HDAC4: variants seen among roughly 807,000 people sequenced by gnomAD.
HDAC4 encodes the protein histone deacetylase A.
A neutral mutation model predicts 135.1 loss-of-function variants in HDAC4; 16 were observed. The observed-to-expected ratio is 0.12, with a 90% CI of 0.08 to 0.18. The LOEUF is 0.18. Ranked by LOEUF, HDAC4 falls within the 10% of genes least tolerant of loss-of-function variation. The pLI is 1.00. For synonymous variants in HDAC4, 685 were observed against 653.4 expected (o/e 1.05, Z -0.74); for missense variants, 1,143 against 1,511.8 (o/e 0.76, Z 4.05).
chr2:239,357,000 C>G (rs1693529723), intron 1 of HDAC4, among the ~76,000 whole-genome samples: 1 of 152,142 alleles, frequency 6.6e-6, no homozygotes, highest in Admixed American at 6.5e-5. Flanking sequence ...CAGAGAAGAC[C>G]TGACCACTAC....
Position 239,134,293 on chromosome 2 carries a change from G to C in HDAC4, c.1246C>G (p.His416Asp). ...GGAAHSPLLQ[H>D]MVLLEQPPAQ... ...GGCGGCTGCTCCAGTAAGACCATGT[G>C]CTGCAGAAGAGGGCTGTGCGCTGCC... Residue 416 changes from histidine (H) to aspartate (D), a missense_variant, in exon 11 of 27, where the codon CAC (histidine) becomes GAC (aspartate). His to Asp is a moderately conservative substitution (Grantham distance 81). Transcript: ENST00000543185. 1 of 1,613,466 alleles carries C rather than the reference G, an allele frequency of 6.2e-7. No individual in the cohort carries two copies. Among genetic ancestry groups the C allele is most frequent in the Non-Finnish European group, 8.5e-7 (1 of 1,180,014 alleles).
intron 2 of HDAC4, among the ~76,000 whole-genome samples, chr2:239,246,295 A>C (rs556839864): frequency 3.3e-5 from 5 of 152,254 alleles, no homozygotes; most frequent in Non-Finnish European, 7.4e-5. Flanking sequence ...TGGCAGTGGA[A>C]ACACAGCACC....
At chr2:239,215,410 G>A (rs890324967) in intron 3 of HDAC4, among the ~76,000 whole-genome samples, 1 of 152,070 alleles carries the variant, frequency 6.6e-6, no homozygotes, top group South Asian at 2.1e-4. Flanking sequence ...CAGGGTCGAC[G>A]CCCCAGAAAC....
At chr2:239,161,115 T>C (rs2042764473) in intron 6 of HDAC4, among the ~76,000 whole-genome samples, 1 of 152,212 alleles carries the variant, frequency 6.6e-6, no homozygotes, top group South Asian at 2.1e-4. Context: ...TTCAAACCTT[T>C]TGACCGTATT....
In HDAC4 at chr2:239,082,170, C is replaced by T. The variant is rs142766453; in HGVS notation, c.2584G>A (p.Val862Ile). 1.2e-4 allele frequency: 196 copies of T among 1,613,984 alleles called. No individual in the cohort carries two copies. In the African/African-American group the frequency reaches 1.5e-3, roughly 13 times the overall value. The change falls in exon 21 of 27, where the codon GTC becomes ATC. Residue 862 changes from valine to isoleucine, a missense_variant. By Grantham distance (29) the Val-to-Ile change is conservative (BLOSUM62 3). This residue lies in a region of HDAC4 where 189 missense variants were observed against 317.6 expected (regional missense o/e 0.60). Coordinates refer to ENST00000543185, the MANE Select transcript of HDAC4 (RefSeq NM_001378414.1). ...TQQAFYSDPSVLYMSLHRYDD... is the reference protein window; with the variant it reads ...TQQAFYSDPSILYMSLHRYDD... The stretch of plus-strand genomic sequence containing the variant: ...TAGCGGTGGAGGGACATGTACAGGA[C>T]GCTGGGGTCGCTGTAGAAAGCCTGC...
chr2:239,146,120 A>T lies in HDAC4; in HGVS notation c.734-1406T>A, dbSNP rs1051521478. ...CCACAAGCCGGCCTCTCCACGGGCT[A>T]CTGACGAGGGCACACTTCTGTGCCT... On this transcript the variant is annotated intron_variant, in intron 7 of 26. Coordinates refer to ENST00000543185, the MANE Select transcript of HDAC4 (RefSeq NM_001378414.1). The surrounding 1 kb of genome is among the most constrained non-coding windows in gnomAD (Gnocchi z 4.5). Among the ~76,000 whole-genome samples, 22 of 152,220 alleles carry T rather than the reference A, an allele frequency of 1.4e-4. No homozygotes were observed. Among genetic ancestry groups the T allele is most frequent in the African/African-American group, 5.3e-4 (22 of 41,468 alleles).
chr2:239,204,156 C>A (rs909981012), intron 3 of HDAC4, among the ~76,000 whole-genome samples: 8 of 152,180 alleles, frequency 5.3e-5, no homozygotes, highest in Admixed American at 1.3e-4. Flanking sequence ...TCTAGCCTGG[C>A]GGCTTCTGTG....
At chr2:239,356,899 TAAG>T (rs1187952733) in intron 1 of HDAC4, among the ~76,000 whole-genome samples, 2 of 152,024 alleles carry the variant, frequency 1.3e-5, no homozygotes, top group African/African-American at 4.8e-5. Context: ...AATAAAAGCA[TAAG>T]AAGAAATGGA....
At chr2:239,267,922 G>A (rs574853779) in intron 2 of HDAC4, among the ~76,000 whole-genome samples, 5 of 152,332 alleles carry the variant, frequency 3.3e-5, no homozygotes, top group South Asian at 4.1e-4. Flanking sequence ...ATACCGTCTC[G>A]TCTAAGAATG....
chr2:239,229,191 T>C (rs2047406393), intron 3 of HDAC4, among the ~76,000 whole-genome samples: 1 of 152,174 alleles, frequency 6.6e-6, no homozygotes, highest in Non-Finnish European at 1.5e-5. Flanking sequence ...AATAAAGTAA[T>C]GGGGCCAATT....
intron 11 of HDAC4, 47 bp downstream of exon 11, chr2:239,134,198 G>A (rs376287982): frequency 3.4e-4 from 515 of 1,512,590 alleles, no homozygotes; most frequent in Non-Finnish European, 4.4e-4. Context: ...CATCCAGAGC[G>A]TGGGCAGCCT....
intron 3 of HDAC4, among the ~76,000 whole-genome samples, chr2:239,214,484 G>A (rs1430182190): frequency 6.6e-6 from 1 of 152,202 alleles, no homozygotes; most frequent in African/African-American, 2.4e-5. Flanking sequence ...GATTAGCTGA[G>A]GGACATTTCG....
At position 239,053,092 on chromosome 2, in the gene HDAC4, G is replaced by C. The variant is rs939949210; in HGVS notation, c.*5C>G. On this transcript the variant is annotated 3_prime_UTR_variant, in exon 27 of 27. Transcript: ENST00000543185. Reference sequence around the variant, plus strand: ...AGACAAGAGAACAGCAGCTTCGAGGGAGTGCTACAGGGGCGGCTCCTCTTC... The same window carrying C: ...AGACAAGAGAACAGCAGCTTCGAGGCAGTGCTACAGGGGCGGCTCCTCTTC... The C allele has an allele frequency of 1.2e-6, 2 of 1,614,072 alleles. No homozygotes were observed. The highest frequency in any genetic ancestry group is 1.3e-5 in the African/African-American group (1 of 74,950).
At chr2:239,294,399 G>A (rs894562353) in intron 2 of HDAC4, among the ~76,000 whole-genome samples, 8 of 152,170 alleles carry the variant, frequency 5.3e-5, no homozygotes, top group African/African-American at 1.9e-4. Context: ...AGGCTGATAG[G>A]GAGTCTGGAG....
intron 2 of HDAC4, among the ~76,000 whole-genome samples, chr2:239,314,929 A>G (rs746847780): frequency 2.0e-5 from 3 of 152,150 alleles, no homozygotes; most frequent in Non-Finnish European, 4.4e-5. Context: ...GATGTGCCTC[A>G]TGATACCCTC....
chr2:239,180,033 G>A (rs755497402), intron 4 of HDAC4, among the ~76,000 whole-genome samples: 31 of 152,052 alleles, frequency 2.0e-4, no homozygotes, highest in Admixed American at 3.3e-4. Flanking sequence ...CTTCAGCGGC[G>A]TTGGCAAGGT....
At chr2:239,230,121 C>T (rs531530009) in intron 3 of HDAC4, among the ~76,000 whole-genome samples, 55 of 151,968 alleles carry the variant, frequency 3.6e-4, no homozygotes, top group African/African-American at 4.1e-4. Flanking sequence ...TTGATGTTAA[C>T]GCTGGTCAGC....
intron 6 of HDAC4, among the ~76,000 whole-genome samples, chr2:239,159,733 C>T (rs911205671): frequency 6.6e-6 from 1 of 152,244 alleles, no homozygotes; most frequent in Non-Finnish European, 1.5e-5. Context: ...ACTGGCCACC[C>T]CACGGAGCCC....
intron 2 of HDAC4, among the ~76,000 whole-genome samples, chr2:239,292,902 C>T (rs1013692043): frequency 1.3e-5 from 2 of 152,180 alleles, no homozygotes; most frequent in African/African-American, 4.8e-5. Context: ...AAACCTTGCT[C>T]AGGCCTTTCA....
Sources: allele counts gnomAD v4.1 joint callset (sites outside exome capture counted in the v4.1 genomes callset), GRCh38; gene constraint gnomAD v4.1.1; regional missense constraint gnomAD v4.1.1; non-coding constraint Gnocchi (gnomAD v3.1); transcripts MANE v1.5; gene names NCBI Gene and HGNC (gene_info 2026-07-23, HGNC 2026-07-21).